Variants in DLGAP2 observed in about 807,000 individuals in gnomAD.
DLGAP2 encodes the protein disks large-associated protein 2.
Under a neutral mutation model 100.3 loss-of-function variants are expected in DLGAP2, and 26 were observed. The observed-to-expected ratio is 0.26, with a 90% confidence interval of 0.19 to 0.36. The LOEUF is 0.36. Ranked by LOEUF, DLGAP2 falls within the 10% of genes least tolerant of loss-of-function variation. DLGAP2 has a pLI of 1.00. For missense variants in DLGAP2, 1,858 were observed against 1,453.2 expected, an observed-to-expected ratio of 1.28 and a Z score of -4.53; for synonymous variants, 886 against 630.1, an observed-to-expected ratio of 1.41 and a Z score of -6.08.
chr8:956,735 C>T (rs1360465448), intron 2 of DLGAP2, among the ~76,000 whole-genome samples: 1 of 152,186 alleles, frequency 6.6e-6, no homozygotes, highest in African/African-American at 2.4e-5. Flanking sequence ...CAAGGGAAGC[C>T]CTCTCCAATC....
At chr8:1,341,508 A>G (rs924626337) in intron 3 of DLGAP2, among the ~76,000 whole-genome samples, 7 of 152,240 alleles carry the variant, frequency 4.6e-5, no homozygotes, top group African/African-American at 1.7e-4. Context: ...TTCTGCCTAC[A>G]GTATGGGCTG....
At chr8:972,994 A>G (rs952967772) in intron 2 of DLGAP2, among the ~76,000 whole-genome samples, 1 of 152,364 alleles carries the variant, frequency 6.6e-6, no homozygotes, top group African/African-American at 2.4e-5. Context: ...ACAGAACAAA[A>G]TGGAGTCCCC....
chr8:1,683,621 T>C (rs891410397), intron 12 of DLGAP2, among the ~76,000 whole-genome samples: 3 of 149,796 alleles, frequency 2.0e-5, no homozygotes, highest in African/African-American at 7.4e-5. Context: ...TGCCAGACAA[T>C]AGGAATGGGG....
chr8:917,655 A>C (rs1400398404), intron 2 of DLGAP2, among the ~76,000 whole-genome samples: 2 of 152,156 alleles, frequency 1.3e-5, no homozygotes, highest in African/African-American at 2.4e-5. Flanking sequence ...ATCTCAGCTC[A>C]TTGCAAACTC....
At chr8:1,346,747 C>T (rs7820569) in intron 3 of DLGAP2, among the ~76,000 whole-genome samples, 23,312 of 119,832 alleles carry the variant, frequency 0.19, 2,355 homozygotes, top group East Asian at 0.35. Flanking sequence ...ATTGCACTCA[C>T]GGTAGCTGTG....
intron 2 of DLGAP2, among the ~76,000 whole-genome samples, chr8:1,239,364 G>A (rs1798731485): frequency 4.6e-5 from 1 of 21,790 alleles, no homozygotes; most frequent in Non-Finnish European, 8.2e-5. Context: ...TCTCTCACAT[G>A]GCGCCGTGTC....
At chr8:1,157,348 G>A (rs73182695) in intron 2 of DLGAP2, among the ~76,000 whole-genome samples, 48 of 152,216 alleles carry the variant, frequency 3.2e-4, no homozygotes, top group Middle Eastern at 6.8e-3. Flanking sequence ...CAGCGACGAC[G>A]GCCCTCAGGG....
At chr8:1,671,639 C>T (rs1437826195) in intron 10 of DLGAP2, among the ~76,000 whole-genome samples, 3 of 152,206 alleles carry the variant, frequency 2.0e-5, no homozygotes, top group South Asian at 4.1e-4. Context: ...TACTGGGCTA[C>T]GTCTAACGTG....
intron 3 of DLGAP2, among the ~76,000 whole-genome samples, chr8:1,470,829 C>A (rs1479266222): frequency 1.5e-5 from 1 of 66,018 alleles, no homozygotes; most frequent in Non-Finnish European, 3.6e-5. Flanking sequence ...CCAGCCTTTC[C>A]CGACCCCTCC....
chr8:1,353,228 C>G (rs1176668188), intron 3 of DLGAP2, among the ~76,000 whole-genome samples: 1 of 152,236 alleles, frequency 6.6e-6, no homozygotes, highest in Non-Finnish European at 1.5e-5. Flanking sequence ...GCTCCCAGCA[C>G]AGGGCTGTGT....
chr8:1,136,401 A>G (rs983621134), intron 2 of DLGAP2, among the ~76,000 whole-genome samples: 1 of 152,186 alleles, frequency 6.6e-6, no homozygotes, highest in Non-Finnish European at 1.5e-5. Context: ...GGGAGTGGGA[A>G]CACAGCTTCC....
At chr8:860,114 T>A (rs1797361124) in intron 1 of DLGAP2, among the ~76,000 whole-genome samples, 1 of 152,206 alleles carries the variant, frequency 6.6e-6, no homozygotes, top group African/African-American at 2.4e-5. Flanking sequence ...ATATTTCTGA[T>A]TTTTGGCCTT....
intron 1 of DLGAP2, among the ~76,000 whole-genome samples, chr8:839,349 G>A (rs1238632505): frequency 1.3e-5 from 2 of 152,196 alleles, no homozygotes; most frequent in Non-Finnish European, 2.9e-5. Flanking sequence ...AACAACAGGT[G>A]AATGGATAAA....
chr8:1,155,569 C>A (rs963062015), intron 2 of DLGAP2, among the ~76,000 whole-genome samples: 1 of 148,084 alleles, frequency 6.8e-6, no homozygotes, highest in Non-Finnish European at 1.5e-5. Context: ...ATGTGTGGTG[C>A]AGGCTCGCAG....
chr8:814,981 T>C (rs1796450158), intron 1 of DLGAP2, among the ~76,000 whole-genome samples: 1 of 151,170 alleles, frequency 6.6e-6, no homozygotes, highest in Admixed American at 6.6e-5. Flanking sequence ...GCTAAAGAAA[T>C]TTCCTAGTGT....
At chr8:1,514,580 G>A (rs912908627) in intron 4 of DLGAP2, among the ~76,000 whole-genome samples, 1 of 152,196 alleles carries the variant, frequency 6.6e-6, no homozygotes, top group Non-Finnish European at 1.5e-5. Context: ...CCATTTATGG[G>A]TGTTTCTCAC....
chr8:1,446,839 A>C (rs1019208332), intron 3 of DLGAP2, among the ~76,000 whole-genome samples: 3 of 152,118 alleles, frequency 2.0e-5, no homozygotes, highest in East Asian at 3.9e-4. Context: ...TAGGTATTTT[A>C]TTCTCTTTGA....
chr8:1,326,243 G>T (rs528938569), intron 3 of DLGAP2, among the ~76,000 whole-genome samples: 1 of 152,304 alleles, frequency 6.6e-6, no homozygotes, highest in East Asian at 1.9e-4. Flanking sequence ...AAATAAAAGG[G>T]CATTTAACTT....
At chr8:1,498,637 G>T (rs1007409790) in intron 3 of DLGAP2, among the ~76,000 whole-genome samples, 1 of 152,162 alleles carries the variant, frequency 6.6e-6, no homozygotes, top group African/African-American at 2.4e-5. Context: ...CATACGTTAA[G>T]CACAGTAAGA....
Sources: gnomAD v4.1 joint callset for allele counts (sites outside exome capture counted in the v4.1 genomes callset) on GRCh38, gnomAD v4.1.1 for gene constraint, MANE v1.5 for transcripts, NCBI Gene and HGNC (gene_info 2026-07-23, HGNC 2026-07-21) for gene names.